TRIO: variants seen among roughly 807,000 people sequenced by gnomAD.
TRIO encodes triple functional domain protein.
Under a neutral mutation model 351.9 loss-of-function variants are expected in TRIO, and 58 were observed. The ratio of observed to expected loss-of-function variants is 0.16; its 90% CI spans 0.13 to 0.21. The LOEUF (loss-of-function observed/expected upper bound fraction) is 0.21, where lower values mean the gene tolerates loss of function less well. Ranked by LOEUF, TRIO falls within the 10% of genes least tolerant of loss-of-function variation. The pLI, the probability that TRIO is intolerant of heterozygous loss-of-function variation, is 1.00. For missense variants in TRIO, 3,201 were observed against 4,027.8 expected (o/e 0.79, Z 5.56); for synonymous variants, 1,758 against 1,595.7 (o/e 1.10, Z -2.42).
At chr5:14,372,041 A>G (rs1265698468) in intron 18 of TRIO, among the ~76,000 whole-genome samples, 2 of 152,156 alleles carry the variant, frequency 1.3e-5, no homozygotes, top group East Asian at 1.9e-4. Flanking sequence ...AATCTAAACA[A>G]TACTCCCTCC....
chr5:14,231,498 C>T (rs902064625), intron 1 of TRIO, among the ~76,000 whole-genome samples: 1 of 152,172 alleles, frequency 6.6e-6, no homozygotes, highest in Non-Finnish European at 1.5e-5. Flanking sequence ...GAAAACCTTT[C>T]TTTGGAATCA....
chr5:14,199,984 G>GAGGC (rs1791004900), intron 1 of TRIO, among the ~76,000 whole-genome samples: 1 of 152,208 alleles, frequency 6.6e-6, no homozygotes, highest in African/African-American at 2.4e-5. Flanking sequence ...TTATGATTAG[G>GAGGC]AGGCCTGGCT....
chr5:14,295,608 C>T (rs987009362), intron 6 of TRIO, among the ~76,000 whole-genome samples: 8 of 152,188 alleles, frequency 5.3e-5, no homozygotes, highest in Non-Finnish European at 1.2e-4. Flanking sequence ...ACAGACCTGT[C>T]GGACTGGCTT....
At chr5:14,396,126 C>T (rs556054812) in intron 28 of TRIO, among the ~76,000 whole-genome samples, 2 of 149,908 alleles carry the variant, frequency 1.3e-5, no homozygotes, top group African/African-American at 2.5e-5. Flanking sequence ...CATTTAATAA[C>T]GGATGTTTCT....
chr5:14,465,847 G>T, intron 37 of TRIO: 1 of 591,052 alleles, frequency 1.7e-6, no homozygotes, highest in Non-Finnish European at 3.1e-6. Context: ...CACATTTGCA[G>T]TGTATTCCCA....
chr5:14,390,308 A>C lies in TRIO; in HGVS notation c.4128+8A>C, dbSNP rs963138352. The C allele has an allele frequency of 1.2e-6, 2 of 1,613,630 alleles. No homozygotes were observed. Among genetic ancestry groups the C allele is most frequent in the Non-Finnish European group, 8.5e-7 (1 of 1,179,800 alleles). ...CATTGTTTTGTTACTTGGGTAATGA[A>C]ACCTCAACCATTTGTTCTCTCCCAG... is the stretch of plus-strand genomic sequence containing the variant. On this transcript the variant is annotated splice_region_variant and intron_variant, in intron 26 of 56. Transcript: ENST00000344204.
At chr5:14,162,188 T>A (rs777170555) in intron 1 of TRIO, among the ~76,000 whole-genome samples, 1 of 152,130 alleles carries the variant, frequency 6.6e-6, no homozygotes, top group Non-Finnish European at 1.5e-5. Flanking sequence ...ATGAATGCAG[T>A]CCCTTTATGA....
chr5:14,304,397 A>G (rs1738181386), intron 7 of TRIO, 64 bp from the exon 8 acceptor site: 3 of 1,527,334 alleles, frequency 2.0e-6, no homozygotes, highest in Non-Finnish European at 2.7e-6. Flanking sequence ...AACCATGTTA[A>G]AAAATGTCCA....
At chr5:14,177,100 C>T (rs1348579630) in intron 1 of TRIO, among the ~76,000 whole-genome samples, 1 of 152,150 alleles carries the variant, frequency 6.6e-6, no homozygotes, top group South Asian at 2.1e-4. Context: ...GGTTTGAGCG[C>T]CCAGGGCACT....
intron 1 of TRIO, among the ~76,000 whole-genome samples, chr5:14,268,686 T>A (rs1195978767): frequency 6.6e-6 from 1 of 152,250 alleles, no homozygotes; most frequent in Non-Finnish European, 1.5e-5. Flanking sequence ...TATCATGTGA[T>A]CTGTCCCCTC....
chr5:14,353,703 A>G (rs71614087), intron 11 of TRIO, among the ~76,000 whole-genome samples: 138 of 152,292 alleles, frequency 9.1e-4, no homozygotes, highest in Non-Finnish European at 1.7e-3. Context: ...TGGCTTTGCA[A>G]CCTACACTCT....
chr5:14,407,015 C>G (rs1748784637), intron 33 of TRIO, among the ~76,000 whole-genome samples: 1 of 152,118 alleles, frequency 6.6e-6, no homozygotes, highest in Non-Finnish European at 1.5e-5. Context: ...ACACAGAACA[C>G]CAGCGTATGT....
At chr5:14,228,457 C>T (rs1266049460) in intron 1 of TRIO, among the ~76,000 whole-genome samples, 1 of 152,216 alleles carries the variant, frequency 6.6e-6, no homozygotes, top group Non-Finnish European at 1.5e-5. Context: ...AAGTGCATAG[C>T]ATAACTGCAG....
chr5:14,151,698 TCA>T (rs1787847841), intron 1 of TRIO, among the ~76,000 whole-genome samples: 1 of 152,232 alleles, frequency 6.6e-6, no homozygotes, highest in African/African-American at 2.4e-5. Context: ...CATTGTTTAT[TCA>T]TTTTGCTTTG....
intron 1 of TRIO, among the ~76,000 whole-genome samples, chr5:14,244,699 C>T (rs948009087): frequency 2.6e-5 from 4 of 152,220 alleles, no homozygotes; most frequent in African/African-American, 9.7e-5. Flanking sequence ...TGACTCCTCA[C>T]CGTAGCCCAC....
At chr5:14,280,248 A>G in intron 2 of TRIO, 74 bp from the exon 3 acceptor site, 1 of 1,417,886 alleles carries the variant, frequency 7.1e-7, no homozygotes, top group Non-Finnish European at 9.9e-7. Flanking sequence ...TAATTTTGAC[A>G]GAGTGAATGG....
At chr5:14,225,955 T>TA (rs1337842730) in intron 1 of TRIO, among the ~76,000 whole-genome samples, 1 of 152,048 alleles carries the variant, frequency 6.6e-6, no homozygotes, top group Non-Finnish European at 1.5e-5. Flanking sequence ...GAAAGGGAAA[T>TA]AAATTAAAAG....
At chr5:14,485,033 G>A in intron 46 of TRIO, 36 bp from the exon 47 acceptor site, 1 of 1,499,736 alleles carries the variant, frequency 6.7e-7, no homozygotes, top group Non-Finnish European at 8.9e-7. Context: ...CTTTCCACCT[G>A]TTAGCTATTA....
At chr5:14,388,747 C>A in intron 24 of TRIO, 68 bp downstream of exon 24, 3 of 1,395,110 alleles carry the variant, frequency 2.2e-6, no homozygotes, top group Non-Finnish European at 1.9e-6. Context: ...CTATTTTATT[C>A]TTACCTGTTG....
Sources: gnomAD v4.1 joint callset for allele counts (sites outside exome capture counted in the v4.1 genomes callset) on GRCh38, gnomAD v4.1.1 for gene constraint, MANE v1.5 for transcripts, NCBI Gene and HGNC (gene_info 2026-07-23, HGNC 2026-07-21) for gene names.